The following LARGE1 variants were observed in gnomAD, a reference collection of about 807,000 sequenced individuals.
The protein encoded by LARGE1 is xylosyl- and glucuronyltransferase LARGE1.
A neutral mutation model predicts 87.6 loss-of-function variants in LARGE1; 43 were observed. The ratio of observed to expected loss-of-function variants is 0.49; its 90% CI spans 0.38 to 0.63. The LOEUF (loss-of-function observed/expected upper bound fraction) is 0.63, where lower values mean the gene tolerates loss of function less well. Among genes scored for constraint, LARGE1 ranks in the 30% least tolerant of loss-of-function variants. The pLI, the probability that LARGE1 is intolerant of heterozygous loss-of-function variation, is 0.00. For missense variants in LARGE1, 802 were observed against 1,000.2 expected (o/e 0.80, Z 2.67); for synonymous variants, 434 against 394.6 (o/e 1.10, Z -1.18).
chr22:33,760,301 G>A (rs2084675334), intron 2 of LARGE1, among the ~76,000 whole-genome samples: 1 of 152,174 alleles, frequency 6.6e-6, no homozygotes, highest in African/African-American at 2.4e-5. Context: ...GAAACGGCTG[G>A]CTAGAAAAAT....
chr22:33,418,783 G>T (rs1213195768), intron 7 of LARGE1, among the ~76,000 whole-genome samples: 4 of 152,122 alleles, frequency 2.6e-5, no homozygotes, highest in African/African-American at 9.7e-5. Context: ...GCCCAGGCCG[G>T]CTCCCATCCT....
At chr22:33,878,989 T>C (rs566304450) in intron 1 of LARGE1, among the ~76,000 whole-genome samples, 4 of 152,130 alleles carry the variant, frequency 2.6e-5, no homozygotes, top group African/African-American at 7.2e-5. Flanking sequence ...TCTTCCTTTT[T>C]TTTTTTTTAG....
In LARGE1 at chr22:33,279,010, G is replaced by A. The variant is rs142932120; in HGVS notation, c.1878-1755C>T. Among the ~76,000 whole-genome samples, 188 of 152,250 alleles carry A rather than the reference G, an allele frequency of 1.2e-3. 1 individual carries two copies. In the East Asian group the frequency reaches 0.016, roughly 13 times the overall value. On this transcript the variant is annotated intron_variant, in intron 13 of 14. Coordinates refer to ENST00000397394, the MANE Select transcript of LARGE1 (RefSeq NM_133642.5). ...TGGGATTACAGGCATGAGCCACCACGGCCGGCTGGGTCACCTCTCTTATAT... is the reference window on the plus strand; with the variant it reads ...TGGGATTACAGGCATGAGCCACCACAGCCGGCTGGGTCACCTCTCTTATAT...
intron 1 of LARGE1, among the ~76,000 whole-genome samples, chr22:33,834,029 C>T (rs775113310): frequency 1.3e-5 from 2 of 152,148 alleles, no homozygotes; most frequent in East Asian, 1.9e-4. Context: ...TTCGGGGAAG[C>T]TGAATAACTT....
chr22:33,884,773 G>A (rs1264984624), intron 1 of LARGE1, among the ~76,000 whole-genome samples: 1 of 152,200 alleles, frequency 6.6e-6, no homozygotes, highest in Non-Finnish European at 1.5e-5. Context: ...TGTCTACAAA[G>A]GACAATGACA....
chr22:33,282,553 T>A (rs1930656022), intron 13 of LARGE1, among the ~76,000 whole-genome samples: 1 of 152,036 alleles, frequency 6.6e-6, no homozygotes, highest in South Asian at 2.1e-4. Flanking sequence ...CCTGGGACAC[T>A]GGGGACAGGT....
chr22:33,453,314 C>G (rs2068012336), intron 6 of LARGE1, among the ~76,000 whole-genome samples: 1 of 151,980 alleles, frequency 6.6e-6, no homozygotes, highest in Non-Finnish European at 1.5e-5. Flanking sequence ...ACTCAGGAGG[C>G]TGAGGCAGGA....
intron 11 of LARGE1, among the ~76,000 whole-genome samples, chr22:33,264,602 T>C (rs1190668556): frequency 2.0e-5 from 3 of 152,186 alleles, no homozygotes; most frequent in Admixed American, 6.5e-5. Flanking sequence ...GAGGTTGCAG[T>C]GAGCCGAGAT....
intron 6 of LARGE1, among the ~76,000 whole-genome samples, chr22:33,533,142 G>A (rs868787216): frequency 6.6e-6 from 1 of 152,198 alleles, no homozygotes; most frequent in Admixed American, 6.5e-5. Flanking sequence ...GACATACAAA[G>A]GGCCAGCCAC....
At chr22:33,617,108 T>C (rs2079603244) in intron 4 of LARGE1, among the ~76,000 whole-genome samples, 1 of 152,220 alleles carries the variant, frequency 6.6e-6, no homozygotes, top group Non-Finnish European at 1.5e-5. Context: ...GGTGTGCCCA[T>C]GTGGGAAACC....
intron 9 of LARGE1, among the ~76,000 whole-genome samples, chr22:33,344,026 T>G (rs905255716): frequency 1.3e-5 from 2 of 152,194 alleles, no homozygotes; most frequent in Admixed American, 1.3e-4. Context: ...GCTAGGCCAG[T>G]CTCTCCTTTT....
rs535811317 is a variant in LARGE1 at position 33,232,614 on chromosome 22, T to C, written c.1731-65782A>G. On this transcript the variant is annotated intron_variant, in intron 11 of 11. Transcript: ENST00000608642. ...CCTTGACCCTTTAGCTTTCTTATTTTGGCTTTTGCCTTCCAGCTCCTGGCC... is the reference window on the plus strand; with the variant it reads ...CCTTGACCCTTTAGCTTTCTTATTTCGGCTTTTGCCTTCCAGCTCCTGGCC... 5.9e-5 allele frequency among the ~76,000 whole-genome samples: 9 copies of C among 152,366 alleles called. No homozygotes were observed. In the South Asian group the frequency reaches 1.7e-3, roughly 28 times the overall value.
intron 2 of LARGE1, chr22:33,724,308 A>C (rs965230148): frequency 6.6e-6 from 1 of 152,502 alleles, no homozygotes; most frequent in African/African-American, 2.4e-5. Flanking sequence ...TCAGATGGGA[A>C]GGGTGAAGGA....
At chr22:33,918,270 A>T (rs2065844495) in intron 1 of LARGE1, among the ~76,000 whole-genome samples, 1 of 152,248 alleles carries the variant, frequency 6.6e-6, no homozygotes, top group Admixed American at 6.5e-5. Context: ...TAAGTGAAGC[A>T]GGAGGGCCCA....
chr22:33,456,940 T>A (rs1201071696), intron 6 of LARGE1, among the ~76,000 whole-genome samples: 1 of 152,152 alleles, frequency 6.6e-6, no homozygotes, highest in African/African-American at 2.4e-5. Context: ...AGACAGAAGG[T>A]CCTTTACTTG....
chr22:33,266,726 G>A (rs910771065), intron 11 of LARGE1, among the ~76,000 whole-genome samples: 17 of 151,716 alleles, frequency 1.1e-4, no homozygotes, highest in African/African-American at 3.9e-4. Flanking sequence ...CTGAGCCTAC[G>A]TATGACGGGT....
chr22:33,343,612 G>A (rs1939412123), intron 9 of LARGE1, among the ~76,000 whole-genome samples: 1 of 152,160 alleles, frequency 6.6e-6, no homozygotes, highest in Non-Finnish European at 1.5e-5. Context: ...CTTAGTAGAT[G>A]TAATGGACTG....
intron 12 of LARGE1, among the ~76,000 whole-genome samples, chr22:33,299,331 G>A (rs1334370165): frequency 6.6e-6 from 1 of 152,070 alleles, no homozygotes; most frequent in African/African-American, 2.4e-5. Context: ...GGAAAAGAGG[G>A]AAGGGAAAGG....
At chr22:33,520,461 CT>C (rs1009152185) in intron 6 of LARGE1, among the ~76,000 whole-genome samples, 13 of 152,174 alleles carry the variant, frequency 8.5e-5, no homozygotes, top group African/African-American at 2.9e-4. Flanking sequence ...AGACAGCAAG[CT>C]TCTGCTCTCT....
Sources: allele counts gnomAD v4.1 joint callset (sites outside exome capture counted in the v4.1 genomes callset), GRCh38; gene constraint gnomAD v4.1.1; transcripts MANE v1.5; gene names NCBI Gene and HGNC (gene_info 2026-07-23, HGNC 2026-07-21).